Variants in MYO7A observed in about 807,000 individuals in gnomAD.
The protein encoded by MYO7A is myosin VIIA.
A neutral mutation model predicts 263.8 loss-of-function variants in MYO7A; 210 were observed. The ratio of observed to expected loss-of-function variants is 0.80; its 90% CI spans 0.71 to 0.89. MYO7A has a LOEUF of 0.89. Among genes scored for constraint, MYO7A ranks in the 40% least tolerant of loss-of-function variants. The pLI, the probability that MYO7A is intolerant of heterozygous loss-of-function variation, is 0.00. For synonymous variants in MYO7A, 1,239 were observed against 1,197.3 expected, an observed-to-expected ratio of 1.03 and a Z score of -0.72; for missense variants, 2,820 against 2,968.3, an observed-to-expected ratio of 0.95 and a Z score of 1.16.
chr11:77,187,816 C>A (rs1555089231), intron 27 of MYO7A, among the ~76,000 whole-genome samples: 3 of 152,190 alleles, frequency 2.0e-5, no homozygotes, highest in Non-Finnish European at 2.9e-5. Context: ...AGGCAGGGAC[C>A]AAGCCCCACT....
chr11:77,183,827 C>T (rs1955450065), intron 26 of MYO7A, among the ~76,000 whole-genome samples: 3 of 152,232 alleles, frequency 2.0e-5, no homozygotes, highest in Admixed American at 2.0e-4. Flanking sequence ...TCCCACTTCA[C>T]CTCTGCCCTT....
intron 2 of MYO7A, among the ~76,000 whole-genome samples, chr11:77,136,736 A>G (rs539496747): frequency 6.6e-6 from 1 of 152,334 alleles, no homozygotes; most frequent in African/African-American, 2.4e-5. Context: ...ACGGATGAGG[A>G]AAGAAAGGAA....
At chr11:77,165,968 T>G in intron 14 of MYO7A, 88 bp from the exon 15 acceptor site, 1 of 934,174 alleles carries the variant, frequency 1.1e-6, no homozygotes, top group Non-Finnish European at 1.7e-6. Flanking sequence ...ACTAGGTGGA[T>G]TTTGAGGGTC....
intron 3 of MYO7A, among the ~76,000 whole-genome samples, chr11:77,146,372 A>G (rs1046139410): frequency 1.3e-5 from 2 of 152,142 alleles, no homozygotes; most frequent in African/African-American, 4.8e-5. Context: ...GCCTCAGGAA[A>G]GGCCCAGGGG....
At chr11:77,158,456 C>A (rs782339169) in intron 9 of MYO7A, 26 bp downstream of exon 9, 1 of 1,604,984 alleles carries the variant, frequency 6.2e-7, no homozygotes, top group South Asian at 1.1e-5. Context: ...ACTCGCCCTG[C>A]CCCACCCCTG....
In MYO7A at chr11:77,177,628, G is replaced by A. The variant is rs782719957; in HGVS notation, c.2267G>A (p.Arg756Gln). The A allele has an allele frequency of 1.4e-5, 22 of 1,610,002 alleles. No individual in the cohort carries two copies. The highest frequency in any genetic ancestry group is 6.7e-5 in the Admixed American group (4 of 59,692). Residue 756 changes from arginine (R) to glutamine (Q), a missense_variant, in exon 19 of 49, where the codon CGG becomes CAG. By Grantham distance (43) the Arg-to-Gln change is conservative (BLOSUM62 1). Coordinates refer to ENST00000409709, the MANE Select transcript of MYO7A (RefSeq NM_000260.4). ...GTCATCCTCCTTCAGAAAGTCATCCGGGGATTCAAAGACAGGTGCGTGTTC... is the reference window on the plus strand; with the variant it reads ...GTCATCCTCCTTCAGAAAGTCATCCAGGGATTCAAAGACAGGTGCGTGTTC... The part of the protein sequence containing the change: ...DRVILLQKVI[R>Q]GFKDRSNFLK...
chr11:77,162,670 G>A (rs1437105964), intron 13 of MYO7A, among the ~76,000 whole-genome samples, 183 bp from the exon 14 acceptor site: 1 of 152,198 alleles, frequency 6.6e-6, no homozygotes, highest in African/African-American at 2.4e-5. Flanking sequence ...TTTCAAAGTT[G>A]TGTAGTTCCA....
Position 77,208,440 on chromosome 11 carries a change from T to A in MYO7A, c.5867T>A (p.Val1956Asp), listed in dbSNP as rs1957611399. ...FVKIADKVLS[V>D]PENDFFFDFV... ...TGGCCCTGACCCCAGGTCCTCAGCG[T>A]TCCTGAGAATGACTTCTTCTTTGAC... The change falls in exon 43 of 49, where the codon GTT becomes GAT. Residue 1956 changes from valine (V) to aspartate (D), a missense_variant. Val to Asp is a radical substitution (Grantham distance 152). Coordinates refer to ENST00000409709, the MANE Select transcript of MYO7A (RefSeq NM_000260.4). 1.2e-6 allele frequency: 2 copies of A among 1,612,814 alleles called. No individual in the cohort carries two copies. The highest frequency in any genetic ancestry group is 1.7e-6 in the Non-Finnish European group (2 of 1,178,996).
chr11:77,156,536 G>T, intron 5 of MYO7A, 124 bp from the exon 6 acceptor site: 2 of 1,397,580 alleles, frequency 1.4e-6, no homozygotes, highest in Non-Finnish European at 9.9e-7. Flanking sequence ...AGCCCTGGAG[G>T]GTCCGTATTG....
At chr11:77,172,654 C>T (rs1489907551) in intron 15 of MYO7A, 94 bp from the exon 16 acceptor site, 16 of 1,498,644 alleles carry the variant, frequency 1.1e-5, no homozygotes, top group African/African-American at 2.8e-5. Flanking sequence ...ACCCTGACCC[C>T]GCTGACCTCC....
In MYO7A at chr11:77,209,029, T is replaced by C. The variant is rs114305432; in HGVS notation, c.6051+226T>C. On this transcript the variant is annotated intron_variant, in intron 44 of 48. Transcript: ENST00000409709. ...GGGCTTGACAGTTCCTCCTCTGAGCTTCCGATCCCTACCTGTTCAGGCCCC... is the reference window on the plus strand; with the variant it reads ...GGGCTTGACAGTTCCTCCTCTGAGCCTCCGATCCCTACCTGTTCAGGCCCC... The C allele has an allele frequency of 8.4e-4, 478 of 567,310 alleles. No homozygotes were observed. In the African/African-American group the frequency reaches 8.5e-3, roughly 10 times the overall value. 35.1% of individuals were successfully genotyped at this position (567,310 alleles called of 1,614,324 possible).
chr11:77,214,115 G>A, intron 48 of MYO7A, 136 bp downstream of exon 48: 2 of 1,246,788 alleles, frequency 1.6e-6, no homozygotes, highest in East Asian at 2.5e-5. Flanking sequence ...TGGGGCCAAG[G>A]TCAGGTCAGT....
chr11:77,214,046 G>A, intron 48 of MYO7A, 67 bp downstream of exon 48: 1 of 1,603,628 alleles, frequency 6.2e-7, no homozygotes, highest in Non-Finnish European at 8.5e-7. Flanking sequence ...AGCCTCCCAG[G>A]GCCTGGAACA....
rs1951243690 is a variant in MYO7A, at chr11:77,142,094, T to C, written c.19-615T>C. 3.9e-5 allele frequency among the ~76,000 whole-genome samples: 6 copies of C among 152,362 alleles called. No individual in the cohort carries two copies. In the South Asian group the frequency reaches 1.2e-3, roughly 32 times the overall value. On this transcript the variant is annotated intron_variant, in intron 2 of 48. Coordinates refer to ENST00000409709, the MANE Select transcript of MYO7A (RefSeq NM_000260.4). ...TTTACGTTTGGCTCTCACGATCCCT[T>C]GCTGAATGAGTAGTGCGAGTCAGGC... is the stretch of plus-strand genomic sequence containing the variant.
intron 31 of MYO7A, 104 bp downstream of exon 31, chr11:77,192,382 G>A: frequency 8.3e-7 from 1 of 1,205,632 alleles, no homozygotes; most frequent in Non-Finnish European, 1.2e-6. Flanking sequence ...GCTCAGGCTG[G>A]GGTGAGCCTG....
intron 46 of MYO7A, chr11:77,212,715 C>T: frequency 1.7e-6 from 1 of 581,478 alleles, no homozygotes; most frequent in Non-Finnish European, 3.1e-6. Context: ...GATGGGAGGC[C>T]CTTGGGCTGA....
Position 77,184,579 on chromosome 11 carries a change from C to G in MYO7A, c.3376-9C>G, listed in dbSNP as rs1414613526. ...ACTTTACCTGCCCTGTCCTCTCCCTCTGGCCCAGGTGACCAAGAGGCTGCA... is the reference window on the plus strand; with the variant it reads ...ACTTTACCTGCCCTGTCCTCTCCCTGTGGCCCAGGTGACCAAGAGGCTGCA... On this transcript the variant is annotated splice_polypyrimidine_tract_variant and intron_variant, in intron 26 of 48. Transcript: ENST00000409709. 5 of 1,558,100 alleles carry G rather than the reference C, an allele frequency of 3.2e-6. No homozygotes were observed. The highest frequency in any genetic ancestry group is 3.5e-6 in the Non-Finnish European group (4 of 1,150,588).
intron 15 of MYO7A, among the ~76,000 whole-genome samples, chr11:77,172,233 C>A (rs1305159478): frequency 6.6e-6 from 1 of 152,358 alleles, no homozygotes; most frequent in South Asian, 2.1e-4. Flanking sequence ...ATGGCATCAC[C>A]TCCACTTAGG....
chr11:77,195,302 C>T (rs1346573624), intron 32 of MYO7A, among the ~76,000 whole-genome samples: 1 of 152,040 alleles, frequency 6.6e-6, no homozygotes, highest in Non-Finnish European at 1.5e-5. Context: ...TCCCCCGAGG[C>T]CCGAACCCCC....
Sources: gnomAD v4.1 joint callset for allele counts (sites outside exome capture counted in the v4.1 genomes callset) on GRCh38, gnomAD v4.1.1 for gene constraint, MANE v1.5 for transcripts, NCBI Gene and HGNC (gene_info 2026-07-23, HGNC 2026-07-21) for gene names.